The following STIM1 variants were observed in gnomAD, a reference collection of about 807,000 sequenced individuals.
STIM1 encodes the protein stromal interaction molecule 1.
In STIM1, 25 loss-of-function variants were observed where a neutral mutation model predicts 74.7. The observed-to-expected ratio is 0.33, with a 90% CI of 0.24 to 0.47. The LOEUF (loss-of-function observed/expected upper bound fraction) is 0.47. STIM1 is among the 20% of genes least tolerant of loss of function. The probability of loss-of-function intolerance (pLI) is 1.00; values close to 1 mark genes in which losing one functional copy is unlikely to be tolerated. For missense variants in STIM1, 728 were observed against 920.8 expected (o/e 0.79, Z 2.71); for synonymous variants, 328 against 348.8 (o/e 0.94, Z 0.66).
chr11:3,902,018 T>C (rs1049860013), intron 1 of STIM1, among the ~76,000 whole-genome samples: 1 of 152,222 alleles, frequency 6.6e-6, no homozygotes, highest in Non-Finnish European at 1.5e-5. Flanking sequence ...TCTTCCTGCC[T>C]TGGTCCCCCA....
chr11:4,046,027 C>G lies in STIM1; in HGVS notation c.386-9499C>G, dbSNP rs187815067. Among the ~76,000 whole-genome samples the G allele has an allele frequency of 5.3e-4, 80 of 149,772 alleles. 3 individuals are homozygous for G. In the Middle Eastern group the frequency reaches 0.011, roughly 20 times the overall value. On this transcript the variant is annotated intron_variant, in intron 3 of 12. Coordinates refer to ENST00000526596, the MANE Select transcript of STIM1 (RefSeq NM_001382567.1). Reference sequence around the variant, plus strand: ...CAAAGTGATCCACCCACCTCGGCCTCCCAAAGTGCTGGGATTACAGGCGTG... The same window carrying G: ...CAAAGTGATCCACCCACCTCGGCCTGCCAAAGTGCTGGGATTACAGGCGTG...
At chr11:3,963,652 G>A (rs1025921587) in intron 1 of STIM1, among the ~76,000 whole-genome samples, 1 of 152,150 alleles carries the variant, frequency 6.6e-6, no homozygotes, top group Non-Finnish European at 1.5e-5. Flanking sequence ...CATTTACTGA[G>A]CATCTTATCA....
At chr11:3,925,634 A>G (rs576512316) in intron 1 of STIM1, among the ~76,000 whole-genome samples, 1 of 152,234 alleles carries the variant, frequency 6.6e-6, no homozygotes, top group Non-Finnish European at 1.5e-5. Flanking sequence ...GTTTTTAATC[A>G]TGATAGCTTT....
chr11:4,090,003 C>T lies in STIM1; in HGVS notation c.1635-1279C>T, dbSNP rs2094514490. Among the ~76,000 whole-genome samples, 3 of 152,136 alleles carry T rather than the reference C, an allele frequency of 2.0e-5. No individual in the cohort carries two copies. The South Asian group carries it at 6.2e-4, about 32-fold the overall frequency. On this transcript the variant is annotated intron_variant, in intron 12 of 12. Coordinates refer to ENST00000526596, the MANE Select transcript of STIM1 (RefSeq NM_001382567.1). ...GTGGCATCTGGAATTGATTCATGGT[C>T]TTAGCAACCACCAGCTCCTTAAAGG...
At chr11:3,979,022 G>A (rs1178045751) in intron 2 of STIM1, among the ~76,000 whole-genome samples, 2 of 152,118 alleles carry the variant, frequency 1.3e-5, no homozygotes, top group African/African-American at 4.8e-5. Context: ...AACTCTGAGG[G>A]GAGCAGTCAG....
chr11:3,973,383 C>G, intron 2 of STIM1: 1 of 410,630 alleles, frequency 2.4e-6, no homozygotes, highest in Non-Finnish European at 4.7e-6. Context: ...ATAGTTGTGG[C>G]CATTCACAGT....
At chr11:3,891,079 G>T (rs548791092) in intron 1 of STIM1, among the ~76,000 whole-genome samples, 15 of 152,130 alleles carry the variant, frequency 9.9e-5, no homozygotes, top group Admixed American at 2.6e-4. Flanking sequence ...AATGTATGTT[G>T]AATACTTATA....
chr11:3,909,146 G>T (rs535482205), intron 1 of STIM1, among the ~76,000 whole-genome samples: 4 of 152,270 alleles, frequency 2.6e-5, no homozygotes, highest in African/African-American at 9.6e-5. Context: ...GGTATACTGG[G>T]GTATGACTTT....
chr11:3,952,717 G>T (rs1458654007), intron 1 of STIM1, among the ~76,000 whole-genome samples: 2 of 152,206 alleles, frequency 1.3e-5, no homozygotes, highest in Non-Finnish European at 2.9e-5. Flanking sequence ...TCAGTCATCA[G>T]CAAAAGCTGC....
chr11:3,897,800 T>C (rs945096367), intron 1 of STIM1, among the ~76,000 whole-genome samples: 13 of 152,134 alleles, frequency 8.5e-5, no homozygotes, highest in Admixed American at 8.5e-4. Flanking sequence ...TTACTGAGAA[T>C]GATGATTTCC....
chr11:3,871,119 G>A (rs533186274), intron 1 of STIM1, among the ~76,000 whole-genome samples: 2 of 151,510 alleles, frequency 1.3e-5, no homozygotes, highest in South Asian at 2.1e-4. Context: ...TGCTTGCTTC[G>A]GCCTCCCAAA....
chr11:3,956,831 A>AAAAAAG (rs2093220246), intron 1 of STIM1, among the ~76,000 whole-genome samples: 1 of 139,678 alleles, frequency 7.2e-6, no homozygotes, highest in Non-Finnish European at 1.5e-5. Flanking sequence ...TCCAAAAAAA[A>AAAAAAG]AAAAAAAAAA....
intron 1 of STIM1, among the ~76,000 whole-genome samples, chr11:3,877,698 C>A (rs1200298323): frequency 1.3e-5 from 2 of 152,192 alleles, no homozygotes; most frequent in Non-Finnish European, 2.9e-5. Flanking sequence ...GTAACTCTAG[C>A]AGGCCGAGGG....
intron 3 of STIM1, among the ~76,000 whole-genome samples, chr11:4,033,099 A>G (rs1451538040): frequency 1.3e-5 from 2 of 151,940 alleles, no homozygotes; most frequent in Admixed American, 6.6e-5. Context: ...TCCCAGCACC[A>G]TTTATTAAAT....
chr11:4,073,303 G>T (rs924687714), intron 6 of STIM1, among the ~76,000 whole-genome samples: 1 of 151,994 alleles, frequency 6.6e-6, no homozygotes, highest in Non-Finnish European at 1.5e-5. Flanking sequence ...CTTCCAAAGG[G>T]ATTAGCAAAC....
chr11:4,018,458 C>CAAAAAAAAA (rs1157096857), intron 2 of STIM1, among the ~76,000 whole-genome samples: 1 of 20,556 alleles, frequency 4.9e-5, no homozygotes, highest in African/African-American at 9.5e-5. Flanking sequence ...GACTCCGTCT[C>CAAAAAAAAA]AAAAAAAAAA....
chr11:3,855,053 G>C (rs950708644), upstream of STIM1: 3 of 152,286 alleles, frequency 2.0e-5, no homozygotes, highest in Non-Finnish European at 4.4e-5. Context: ...TTTCCCACCA[G>C]GGGCCGCTGC....
chr11:3,926,909 G>A (rs1012775894), intron 1 of STIM1, among the ~76,000 whole-genome samples: 6 of 152,224 alleles, frequency 3.9e-5, no homozygotes, highest in Admixed American at 3.9e-4. Context: ...GAGTCATACA[G>A]TCTGGGCTCA....
chr11:3,977,323 A>T (rs761632691), intron 2 of STIM1, among the ~76,000 whole-genome samples: 3 of 152,170 alleles, frequency 2.0e-5, no homozygotes, highest in Non-Finnish European at 4.4e-5. Context: ...GGGGATAAGG[A>T]TGAGTAGGTA....
Sources: gnomAD v4.1 joint callset for allele counts (sites outside exome capture counted in the v4.1 genomes callset) on GRCh38, gnomAD v4.1.1 for gene constraint, MANE v1.5 for transcripts, NCBI Gene and HGNC (gene_info 2026-07-23, HGNC 2026-07-21) for gene names.